BRAF: variants seen among roughly 807,000 people sequenced by gnomAD.
BRAF encodes the protein B-Raf proto-oncogene, serine/threonine kinase.
In BRAF, 16 loss-of-function variants were observed where a neutral mutation model predicts 104.6. The observed-to-expected ratio is 0.15, with a 90% confidence interval of 0.10 to 0.23. The LOEUF (loss-of-function observed/expected upper bound fraction) is 0.23. Ranked by LOEUF, BRAF falls within the 10% of genes least tolerant of loss-of-function variation. The pLI is 1.00. For synonymous variants in BRAF, 310 were observed against 341.6 expected (o/e 0.91, Z 1.02); for missense variants, 541 against 937.3 (o/e 0.58, Z 5.52).
chr7:140,781,398 A>G (rs1214328792), intron 12 of BRAF, 178 bp downstream of exon 11: 3 of 660,498 alleles, frequency 4.5e-6, no homozygotes, highest in Non-Finnish European at 8.0e-6. Flanking sequence ...GACTGCTGTG[A>G]ACAGTTTTTA....
intron 19 of BRAF, chr7:140,731,592 C>A (rs1041116845): frequency 2.0e-5 from 3 of 152,064 alleles, no homozygotes; most frequent in African/African-American, 7.2e-5. Flanking sequence ...ATTAAATAGC[C>A]AATGTTTTAG....
intron 3 of BRAF, among the ~76,000 whole-genome samples, chr7:140,815,899 A>C (rs1460364474): frequency 6.6e-6 from 1 of 152,230 alleles, no homozygotes; most frequent in Non-Finnish European, 1.5e-5. Flanking sequence ...TTAACTGGCC[A>C]AGAACCAGAA....
chr7:140,908,432 G>T (rs1269899751), intron 1 of BRAF, among the ~76,000 whole-genome samples: 2 of 151,946 alleles, frequency 1.3e-5, no homozygotes, highest in African/African-American at 4.8e-5. Context: ...TCCCTAGAAT[G>T]AAAGGCCTTT....
intron 1 of BRAF, among the ~76,000 whole-genome samples, chr7:140,854,621 G>A (rs927688861): frequency 1.3e-5 from 2 of 152,086 alleles, no homozygotes; most frequent in African/African-American, 4.8e-5. Flanking sequence ...GAGCTGATTA[G>A]AATAAAATTT....
chr7:140,848,562 T>C (rs959351777), intron 2 of BRAF, among the ~76,000 whole-genome samples: 2 of 152,208 alleles, frequency 1.3e-5, no homozygotes, highest in Non-Finnish European at 2.9e-5. Flanking sequence ...GACATAGCTA[T>C]TGATGCAAAT....
chr7:140,723,182 G>T lies in BRAF; in HGVS notation c.*3312C>A. 1 of 1,054,396 alleles carries T rather than the reference G, an allele frequency of 9.5e-7. No individual in the cohort carries two copies. The highest frequency in any genetic ancestry group is 1.1e-6 in the Non-Finnish European group (1 of 872,618). The allele number at this position is 1,054,396 out of a possible 1,614,324, so 65.3% of individuals were successfully genotyped here. A position where few individuals can be genotyped will look rare whatever the true frequency, so the allele number is the denominator to read the frequency against. ...GCGGGTGGATGTACAGTGGGGACAG[G>T]TGAGATCTGAGGAGGATGTGCAGCA... On this transcript the variant is annotated 3_prime_UTR_variant, in exon 20 of 20. Transcript: ENST00000644969.
At chr7:140,843,354 G>A (rs1358428454) in intron 2 of BRAF, among the ~76,000 whole-genome samples, 1 of 152,158 alleles carries the variant, frequency 6.6e-6, no homozygotes, top group East Asian at 1.9e-4. Context: ...AAAAGCTAAA[G>A]GGACTATAGC....
In BRAF at chr7:140,777,996, T is replaced by C. The variant is rs1187262878; in HGVS notation, c.1632A>G (p.Val544=). The C allele has an allele frequency of 6.2e-7, 1 of 1,613,330 alleles. No homozygotes were observed. The highest frequency in any genetic ancestry group is 1.3e-5 in the African/African-American group (1 of 75,012). ...QLQAFKNEVG[V]LRKTRHVNIL... ...AGTAATTCACACAAGCTCACCTGAGTACTCCTACTTCATTTTTGAAGGCTT... is the reference window on the plus strand; with the variant it reads ...AGTAATTCACACAAGCTCACCTGAGCACTCCTACTTCATTTTTGAAGGCTT... The change falls in exon 13 of 20, where the codon GTA becomes GTG. Residue 544 remains valine (V), a synonymous_variant. Transcript: ENST00000644969.
At position 140,723,210 on chromosome 7, in the gene BRAF, T is replaced by C; in HGVS notation, c.*3284A>G. ...AGATCTGAGGAGGATGTGCAGCAGC[T>C]CGCACTCCGCCTGGTGAATACAAGG... On this transcript the variant is annotated 3_prime_UTR_variant, in exon 20 of 20. Coordinates refer to ENST00000644969, the MANE Select transcript of BRAF (RefSeq NM_001374258.1). 1 of 1,054,368 alleles carries C rather than the reference T, an allele frequency of 9.5e-7. No individual in the cohort carries two copies. The highest frequency in any genetic ancestry group is 1.1e-6 in the Non-Finnish European group (1 of 872,544). The allele number at this position is 1,054,368 out of a possible 1,614,324, so 65.3% of individuals were successfully genotyped here.
rs369334082 is a variant in BRAF, at chr7:140,865,269, G to A, written c.139-15057C>T. On this transcript the variant is annotated intron_variant, in intron 1 of 19. Coordinates refer to ENST00000644969, the MANE Select transcript of BRAF (RefSeq NM_001374258.1). ...TAATTTTTGTATTTTTAGTAGAAAC[G>A]GGGTTTCACCATGTTGGCCAGCCTG... 4.6e-5 allele frequency among the ~76,000 whole-genome samples: 7 copies of A among 152,050 alleles called. No individual in the cohort carries two copies. The East Asian group carries it at 7.7e-4, about 17-fold the overall frequency.
chr7:140,924,374 T>C lies in BRAF; in HGVS notation c.138+192A>G, dbSNP rs889395895. On this transcript the variant is annotated intron_variant, in intron 1 of 19. Coordinates refer to ENST00000644969, the MANE Select transcript of BRAF (RefSeq NM_001374258.1). This position sits in a 1 kb window ranked among gnomAD's most constrained non-coding sequence, Gnocchi z 4.2. ...GCCAGGGAAACCCCCCGGGCCATTGTGTGTGTTTACGTAGGAAGGCGCTGC... is the reference window on the plus strand; with the variant it reads ...GCCAGGGAAACCCCCCGGGCCATTGCGTGTGTTTACGTAGGAAGGCGCTGC... 6.6e-6 allele frequency among the ~76,000 whole-genome samples: 1 copy of C among 152,038 alleles called. No homozygotes were observed. The highest frequency in any genetic ancestry group is 2.1e-4 in the South Asian group (1 of 4,828).
At chr7:140,766,828 G>A (rs1014497288) in intron 14 of BRAF, among the ~76,000 whole-genome samples, 3 of 152,194 alleles carry the variant, frequency 2.0e-5, no homozygotes, top group South Asian at 4.2e-4. Flanking sequence ...TGGATTACAA[G>A]TGTGAGCCAC....
Position 140,889,233 on chromosome 7 carries a change from T to A in BRAF, c.138+35333A>T, listed in dbSNP as rs570957186. Among the ~76,000 whole-genome samples, 81 of 152,248 alleles carry A rather than the reference T, an allele frequency of 5.3e-4. 1 individual carries two copies. Among genetic ancestry groups the A allele is most frequent in the African/African-American group, 1.2e-3 (50 of 41,544 alleles). ...ATTTCTGACAAGAAACTAGCTATTTTAAAAAAATTATCCAGGCTACTTAAA... is the reference window on the plus strand; with the variant it reads ...ATTTCTGACAAGAAACTAGCTATTTAAAAAAAATTATCCAGGCTACTTAAA... On this transcript the variant is annotated intron_variant, in intron 1 of 19. Coordinates refer to ENST00000644969, the MANE Select transcript of BRAF (RefSeq NM_001374258.1).
At chr7:140,737,240 T>C (rs1796518365) in intron 18 of BRAF, among the ~76,000 whole-genome samples, 1 of 152,238 alleles carries the variant, frequency 6.6e-6, no homozygotes, top group South Asian at 2.1e-4. Context: ...AGAAGTATTT[T>C]GAATTTATGG....
At chr7:140,891,638 T>G (rs1215926074) in intron 1 of BRAF, among the ~76,000 whole-genome samples, 1 of 152,092 alleles carries the variant, frequency 6.6e-6, no homozygotes, top group East Asian at 1.9e-4. Flanking sequence ...TGTAGGACTT[T>G]TAGTGCATTG....
intron 5 of BRAF, among the ~76,000 whole-genome samples, chr7:140,805,525 A>G (rs775136171): frequency 6.6e-6 from 1 of 152,156 alleles, no homozygotes; most frequent in African/African-American, 2.4e-5. Context: ...ACAGGAAGAT[A>G]TATCTTTCTT....
chr7:140,922,060 C>A (rs569405513), intron 1 of BRAF, among the ~76,000 whole-genome samples: 14 of 152,188 alleles, frequency 9.2e-5, no homozygotes, highest in Admixed American at 2.0e-4. Flanking sequence ...TCAAGAGATA[C>A]ATTTTTTAAT....
intron 14 of BRAF, among the ~76,000 whole-genome samples, chr7:140,772,863 ACTT>A (rs1238857254): frequency 2.0e-5 from 3 of 152,166 alleles, no homozygotes; most frequent in Non-Finnish European, 4.4e-5. Flanking sequence ...TAGTTTTAAA[ACTT>A]TTTTTGCTGA....
chr7:140,721,949 G>C lies in BRAF; in HGVS notation c.*4545C>G. Reference sequence around the variant, plus strand: ...ACTCTGAAAAATCAGTGTCTAGGTTGGCAGCAGTACTCTGGAAACTGATAA... The same window carrying C: ...ACTCTGAAAAATCAGTGTCTAGGTTCGCAGCAGTACTCTGGAAACTGATAA... On this transcript the variant is annotated 3_prime_UTR_variant, in exon 20 of 20. Coordinates refer to ENST00000644969, the MANE Select transcript of BRAF (RefSeq NM_001374258.1). 8.0e-7 allele frequency: 1 copy of C among 1,248,366 alleles called. No individual in the cohort carries two copies. The highest frequency in any genetic ancestry group is 1.0e-6 in the Non-Finnish European group (1 of 997,964). 77.3% of individuals were successfully genotyped at this position (1,248,366 alleles called of 1,614,324 possible).
Sources: allele counts gnomAD v4.1 joint callset (sites outside exome capture counted in the v4.1 genomes callset), GRCh38; gene constraint gnomAD v4.1.1; non-coding constraint Gnocchi (gnomAD v3.1); transcripts MANE v1.5; gene names NCBI Gene and HGNC (gene_info 2026-07-23, HGNC 2026-07-21).